Variants in NFASC observed in about 807,000 individuals in gnomAD.
NFASC encodes the protein neurofascin homolog.
NFASC carries 43 observed loss-of-function variants against 147.5 expected under a neutral mutation model. The ratio of observed to expected loss-of-function variants is 0.29; its 90% CI spans 0.23 to 0.38. The LOEUF (loss-of-function observed/expected upper bound fraction) is 0.38. NFASC is among the 10% of genes least tolerant of loss of function. The pLI is 1.00. For synonymous variants in NFASC, 622 were observed against 665.5 expected, an observed-to-expected ratio of 0.93 and a Z score of 1.01; for missense variants, 1,320 against 1,689.0, an observed-to-expected ratio of 0.78 and a Z score of 3.83.
chr1:204,941,221 G>A (rs1454824799), intron 2 of NFASC, among the ~76,000 whole-genome samples: 1 of 152,134 alleles, frequency 6.6e-6, no homozygotes, highest in Non-Finnish European at 1.5e-5. Context: ...AAAGGGGATT[G>A]GATGAATCTA....
chr1:204,838,595 G>A (rs11801633), intron 1 of NFASC, among the ~76,000 whole-genome samples: 35,370 of 152,136 alleles, frequency 0.23, 6,438 homozygotes, highest in East Asian at 0.73. Context: ...TTCGGAGCCT[G>A]GAACGGGAAA....
At chr1:204,878,233 A>G (rs919015838) in intron 1 of NFASC, among the ~76,000 whole-genome samples, 2 of 152,302 alleles carry the variant, frequency 1.3e-5, no homozygotes, top group South Asian at 2.1e-4. Flanking sequence ...GCTCTGTGAG[A>G]TAGGGTCAAA....
At chr1:204,991,410 T>C in intron 24 of NFASC, 104 bp downstream of exon 24, 1 of 1,186,944 alleles carries the variant, frequency 8.4e-7, no homozygotes, top group Non-Finnish European at 1.2e-6. Context: ...GCTGAAAGCA[T>C]GCTCCAGACT....
chr1:204,976,838 C>G lies in NFASC; in HGVS notation c.1831+43C>G. 4 of 1,589,044 alleles carry G rather than the reference C, an allele frequency of 2.5e-6. No homozygotes were observed. In the South Asian group the frequency reaches 4.5e-5, roughly 18 times the overall value. On this transcript the variant is annotated intron_variant, in intron 16 of 29. Transcript: ENST00000339876. Reference sequence around the variant, plus strand: ...CCCTGGCACTGACCAGCCCCACCCCCTCCCCAGCAGCCAGAGAAGCAGTGG... The same window carrying G: ...CCCTGGCACTGACCAGCCCCACCCCGTCCCCAGCAGCCAGAGAAGCAGTGG...
chr1:204,922,841 G>A (rs1354097131), intron 2 of NFASC, among the ~76,000 whole-genome samples: 1 of 152,220 alleles, frequency 6.6e-6, no homozygotes, highest in East Asian at 1.9e-4. Context: ...TAAGTTCTGA[G>A]AGAAGGGAAG....
At position 204,979,474 on chromosome 1, in the gene NFASC, C is replaced by G. The variant is rs1172131602; in HGVS notation, c.2091C>G (p.Asn697Lys). The G allele has an allele frequency of 6.2e-7, 1 of 1,613,894 alleles. No individual in the cohort carries two copies. The highest frequency in any genetic ancestry group is 1.7e-5 in the Admixed American group (1 of 60,014). ...TCCTCCGGCTGTCCCCGTATGTCAACTACCAGTTCCGTGTCATTGCCATCA... is the reference window on the plus strand; with the variant it reads ...TCCTCCGGCTGTCCCCGTATGTCAAGTACCAGTTCCGTGTCATTGCCATCA... ...SAVLRLSPYV[N>K]YQFRVIAINE... Residue 697 changes from asparagine to lysine, a missense_variant, in exon 19 of 30, where the codon AAC (asparagine) becomes AAG (lysine). Physicochemically the swap from Asn to Lys is moderately conservative, Grantham distance 94. Transcript: ENST00000339876. The surrounding 1 kb of genome is among the most constrained non-coding windows in gnomAD (Gnocchi z 6.0).
chr1:204,863,212 C>A (rs537499125), intron 1 of NFASC, among the ~76,000 whole-genome samples: 1 of 152,240 alleles, frequency 6.6e-6, no homozygotes, highest in African/African-American at 2.4e-5. Flanking sequence ...AGAATAGATC[C>A]CCAGCTCCAT....
In NFASC at chr1:204,912,054, A is replaced by G. The variant is rs1028979349; in HGVS notation, c.-199-8578A>G. On this transcript the variant is annotated intron_variant, in intron 1 of 29. Transcript: ENST00000339876. Reference sequence around the variant, plus strand: ...TTTCATTTTTGCTAAAGGACTGTCAATTGAAGTGATTTTTTCAAAGAAACG... The same window carrying G: ...TTTCATTTTTGCTAAAGGACTGTCAGTTGAAGTGATTTTTTCAAAGAAACG... 3.9e-5 allele frequency among the ~76,000 whole-genome samples: 6 copies of G among 152,150 alleles called. No individual in the cohort carries two copies. In the East Asian group the frequency reaches 1.2e-3, roughly 29 times the overall value.
chr1:204,890,077 G>A (rs747046091), intron 1 of NFASC, among the ~76,000 whole-genome samples: 14 of 152,328 alleles, frequency 9.2e-5, no homozygotes, highest in Admixed American at 2.0e-4. Flanking sequence ...CTGCTCTGGT[G>A]CCATCTGCTT....
chr1:204,976,366 G>T (rs1328525532), intron 15 of NFASC, among the ~76,000 whole-genome samples: 2 of 152,212 alleles, frequency 1.3e-5, no homozygotes, highest in African/African-American at 4.8e-5. Context: ...GCCCTCATCT[G>T]GGAGGGGTGC....
At chr1:204,872,002 C>T (rs144971666) in intron 1 of NFASC, among the ~76,000 whole-genome samples, 1 of 152,352 alleles carries the variant, frequency 6.6e-6, no homozygotes, top group African/African-American at 2.4e-5. Flanking sequence ...CTCCCTGAAG[C>T]AGGGGTTTGG....
chr1:204,944,460 T>TGGGAG, intron 3 of NFASC, 54 bp downstream of exon 3: 1 of 356,618 alleles, frequency 2.8e-6, no homozygotes, highest in Non-Finnish European at 5.5e-6. Flanking sequence ...GGCAGAGGGG[T>TGGGAG]GGGAGGGGAG....
rs1200063213 is a variant in NFASC at position 204,986,751 on chromosome 1, C to T, written c.2471-667C>T. On this transcript the variant is annotated intron_variant, in intron 21 of 29. Transcript: ENST00000339876. This position sits in a 1 kb window ranked among gnomAD's most constrained non-coding sequence, Gnocchi z 4.2. ...ATCTGCTTTGCATCTGTTTCATCCT[C>T]CTCCGTTTCTCCTCCCTCCCTCTTT... 6.5e-6 allele frequency: 1 copy of T among 154,672 alleles called. No homozygotes were observed. The highest frequency in any genetic ancestry group is 2.4e-5 in the African/African-American group (1 of 41,424). The allele number at this position is 154,672 out of a possible 1,614,324, so 9.6% of individuals were successfully genotyped here.
In NFASC at chr1:204,861,122, T is replaced by C. The variant is rs566287758; in HGVS notation, c.-200+32340T>C. Among the ~76,000 whole-genome samples, 224 of 146,340 alleles carry C rather than the reference T, an allele frequency of 1.5e-3. 2 individuals are homozygous for C. The highest frequency in any genetic ancestry group is 5.4e-3 in the African/African-American group (210 of 39,116). On this transcript the variant is annotated intron_variant, in intron 1 of 29. Coordinates refer to ENST00000339876, the MANE Select transcript of NFASC (RefSeq NM_001005388.3). ...TTTTTTTTTGGAGACAAGATCTCAT[T>C]CTGTCATCCAGGCTGGAGTGCAGTG...
intron 1 of NFASC, among the ~76,000 whole-genome samples, chr1:204,852,623 G>T (rs2075794053): frequency 6.6e-6 from 1 of 152,236 alleles, no homozygotes; most frequent in Non-Finnish European, 1.5e-5. Context: ...CCTCTGTTTG[G>T]GCCTTCATGG....
chr1:204,859,812 GTCT>G (rs759103054), intron 1 of NFASC, among the ~76,000 whole-genome samples: 2 of 152,164 alleles, frequency 1.3e-5, no homozygotes, highest in African/African-American at 2.4e-5. Context: ...TAAGGGTCTT[GTCT>G]TTTCTCTGAG....
chr1:204,967,570 C>T (rs142738131), intron 8 of NFASC, among the ~76,000 whole-genome samples: 1 of 152,072 alleles, frequency 6.6e-6, no homozygotes, highest in Admixed American at 6.5e-5. Flanking sequence ...TCTCCCACCC[C>T]CTCCCCGAGC....
chr1:205,013,082 T>C (rs1361054683), intron 29 of NFASC, among the ~76,000 whole-genome samples: 1 of 152,232 alleles, frequency 6.6e-6, no homozygotes, highest in Non-Finnish European at 1.5e-5. Flanking sequence ...CAGACGAGGC[T>C]GCTCCCCCAG....
chr1:204,954,501 T>C lies in NFASC; in HGVS notation c.412+117T>C, dbSNP rs1191558234. ...CCCTTGGCCTGCAGTTGCCTTGGTG[T>C]TCTCTATGCATCTTCCCCACCTCAG... On this transcript the variant is annotated intron_variant, in intron 6 of 29. Coordinates refer to ENST00000339876, the MANE Select transcript of NFASC (RefSeq NM_001005388.3). The surrounding 1 kb of genome is among the most constrained non-coding windows in gnomAD (Gnocchi z 5.7). 2.2e-6 allele frequency: 2 copies of C among 899,558 alleles called. No individual in the cohort carries two copies. The highest frequency in any genetic ancestry group is 5.3e-5 in the East Asian group (2 of 37,944). 55.7% of individuals were successfully genotyped at this position (899,558 alleles called of 1,614,324 possible).
Sources: gnomAD v4.1 joint callset for allele counts (sites outside exome capture counted in the v4.1 genomes callset) on GRCh38, gnomAD v4.1.1 for gene constraint, Gnocchi (gnomAD v3.1) non-coding constraint, MANE v1.5 for transcripts, NCBI Gene and HGNC (gene_info 2026-07-23, HGNC 2026-07-21) for gene names.